Variants in KIAA1958 observed in about 807,000 individuals in gnomAD.
KIAA1958 encodes the protein KIAA1958, also known as uncharacterized protein KIAA1958.
KIAA1958 carries 14 observed loss-of-function variants against 47.2 expected under a neutral mutation model. The observed-to-expected ratio is 0.30, with a 90% CI of 0.20 to 0.46. KIAA1958 has a LOEUF of 0.46. KIAA1958 is among the 20% of genes least tolerant of loss of function. KIAA1958 has a pLI of 1.00. For missense variants in KIAA1958, 803 were observed against 909.2 expected (o/e 0.88, Z 1.50); for synonymous variants, 354 against 353.3 (o/e 1.00, Z -0.02).
intron 1 of KIAA1958, among the ~76,000 whole-genome samples, chr9:112,564,604 A>G (rs932698647): frequency 1.3e-5 from 2 of 152,302 alleles, no homozygotes; most frequent in Admixed American, 1.3e-4. Flanking sequence ...TGAAAGAAAA[A>G]GTATTTTCAT....
At chr9:112,591,822 G>A (rs961813637) in intron 2 of KIAA1958, among the ~76,000 whole-genome samples, 4 of 152,102 alleles carry the variant, frequency 2.6e-5, no homozygotes, top group African/African-American at 7.2e-5. Context: ...ATAAAGTTAC[G>A]GTGCCACAAA....
Position 112,536,075 on chromosome 9 carries a change from A to G in KIAA1958, c.-24-37982A>G, listed in dbSNP as rs146360370. Among the ~76,000 whole-genome samples the G allele has an allele frequency of 2.6e-3, 403 of 152,310 alleles. 7 individuals carry two copies. The highest frequency in any genetic ancestry group is 9.1e-3 in the African/African-American group (378 of 41,564). On this transcript the variant is annotated intron_variant, in intron 1 of 3. Coordinates refer to ENST00000337530, the MANE Select transcript of KIAA1958 (RefSeq NM_133465.4). The stretch of plus-strand genomic sequence containing the variant: ...CTCTGTTAATTGACCTCTGGGTTCA[A>G]TGAGTGGCTAATGTAACTGAAGTCC...
rs138584058 is a variant in KIAA1958 at position 112,556,900 on chromosome 9, G to T, written c.-24-17157G>T. Among the ~76,000 whole-genome samples the T allele has an allele frequency of 6.6e-5, 10 of 152,308 alleles. No homozygotes were observed. The East Asian group carries it at 1.9e-3, about 29-fold the overall frequency. ...AAGTAGAAGGTTGAGCGTACAGGTG[G>T]ACAGAACAGGTGGGTAGACATATTT... is the stretch of plus-strand genomic sequence containing the variant. On this transcript the variant is annotated intron_variant, in intron 1 of 3. Coordinates refer to ENST00000337530, the MANE Select transcript of KIAA1958 (RefSeq NM_133465.4).
At chr9:112,590,599 G>A (rs575552014) in intron 2 of KIAA1958, among the ~76,000 whole-genome samples, 5 of 151,962 alleles carry the variant, frequency 3.3e-5, no homozygotes, top group Admixed American at 6.6e-5. Context: ...TGATCCACCC[G>A]CTTGGGCTCC....
intron 1 of KIAA1958, among the ~76,000 whole-genome samples, chr9:112,539,054 A>G (rs1834898487): frequency 6.6e-6 from 1 of 152,226 alleles, no homozygotes; most frequent in South Asian, 2.1e-4. Context: ...ACAAGTGTTG[A>G]CAAGGATGTA....
intron 1 of KIAA1958, among the ~76,000 whole-genome samples, chr9:112,513,609 C>T (rs897495900): frequency 3.8e-5 from 5 of 132,056 alleles, no homozygotes; most frequent in Non-Finnish European, 8.1e-5. Context: ...CGCGACCGAC[C>T]GCAGCCGCCG....
intron 2 of KIAA1958, among the ~76,000 whole-genome samples, chr9:112,580,856 T>A (rs1161684626): frequency 6.6e-6 from 1 of 152,104 alleles, no homozygotes; most frequent in Non-Finnish European, 1.5e-5. Context: ...AACCTTTTCC[T>A]GTAGTTTCCT....
chr9:112,557,019 C>T (rs796327412), intron 1 of KIAA1958, among the ~76,000 whole-genome samples: 28 of 152,126 alleles, frequency 1.8e-4, no homozygotes, highest in African/African-American at 6.7e-4. Flanking sequence ...GACAGAGTGG[C>T]CCAATCATGG....
chr9:112,549,987 G>A lies in KIAA1958; in HGVS notation c.-24-24070G>A, dbSNP rs77244463. ...AAGGTGTTTTGCCAGCCAAAGAATG[G>A]CAGCATTTGCAAAGATCTACTAGAG... is the stretch of plus-strand genomic sequence containing the variant. On this transcript the variant is annotated intron_variant, in intron 1 of 3. Coordinates refer to ENST00000337530, the MANE Select transcript of KIAA1958 (RefSeq NM_133465.4). Among the ~76,000 whole-genome samples, 572 of 152,330 alleles carry A rather than the reference G, an allele frequency of 3.8e-3. 3 individuals carry two copies. The highest frequency in any genetic ancestry group is 0.013 in the African/African-American group (537 of 41,564).
In KIAA1958 at chr9:112,659,981, A is replaced by C. The variant is rs1433880240; in HGVS notation, c.2063A>C (p.Lys688Thr). 6.2e-7 allele frequency: 1 copy of C among 1,614,114 alleles called. No homozygotes were observed. Among genetic ancestry groups the C allele is most frequent in the African/African-American group, 1.3e-5 (1 of 74,936 alleles). Residue 688 changes from lysine to threonine, a missense_variant, in exon 4 of 4, where the codon AAG becomes ACG. Transcript: ENST00000337530. ...LRGIVPNLAK[K>T]VKLENCENFT... ...GGAATTGTCCCAAACTTAGCCAAGA[A>C]GGTCAAGCTGGAAAACTGTGAGAAC...
chr9:112,580,987 T>C (rs907174457), intron 2 of KIAA1958, among the ~76,000 whole-genome samples: 3 of 152,216 alleles, frequency 2.0e-5, no homozygotes, highest in Non-Finnish European at 2.9e-5. Context: ...AAGATTGATA[T>C]GGCAGGCAGC....
At chr9:112,487,358 A>C (rs1471467194) in intron 1 of KIAA1958, among the ~76,000 whole-genome samples, 1 of 151,164 alleles carries the variant, frequency 6.6e-6, no homozygotes. Flanking sequence ...CGAGGCGCAG[A>C]GACCCCCGGT....
rs566216809 is a variant in KIAA1958, at chr9:112,628,779, T to C, written c.1172-16871T>C. On this transcript the variant is annotated intron_variant, in intron 2 of 3. Coordinates refer to ENST00000337530, the MANE Select transcript of KIAA1958 (RefSeq NM_133465.4). Reference sequence around the variant, plus strand: ...AGTTTTTAAATCAAAAAAATATATATATATTTATTAGGTTTCTAATTTATA... The same window carrying C: ...AGTTTTTAAATCAAAAAAATATATACATATTTATTAGGTTTCTAATTTATA... Among the ~76,000 whole-genome samples the C allele has an allele frequency of 2.0e-5, 3 of 152,214 alleles. No individual in the cohort carries two copies. The South Asian group carries it at 6.2e-4, about 32-fold the overall frequency.
chr9:112,552,114 T>C (rs1835161755), intron 1 of KIAA1958, among the ~76,000 whole-genome samples: 1 of 152,200 alleles, frequency 6.6e-6, no homozygotes, highest in Non-Finnish European at 1.5e-5. Context: ...CTCATCATTA[T>C]AGGGTCATAG....
intron 1 of KIAA1958, among the ~76,000 whole-genome samples, chr9:112,527,319 G>C (rs555338117): frequency 2.0e-5 from 3 of 152,160 alleles, no homozygotes; most frequent in Non-Finnish European, 4.4e-5. Flanking sequence ...TTTTAGTTGA[G>C]ATCCATGGAA....
At chr9:112,582,860 G>A (rs144619342) in intron 2 of KIAA1958, among the ~76,000 whole-genome samples, 3 of 152,296 alleles carry the variant, frequency 2.0e-5, no homozygotes, top group Non-Finnish European at 4.4e-5. Flanking sequence ...ACATGGACAT[G>A]GCTGTCACTG....
rs906138293 is a variant in KIAA1958 at position 112,666,544 on chromosome 9, C to T, written c.*6475C>T. 3 of 152,134 alleles carry T rather than the reference C, an allele frequency of 2.0e-5. No homozygotes were observed. The highest frequency in any genetic ancestry group is 4.4e-5 in the Non-Finnish European group (3 of 68,030). 9.4% of individuals were successfully genotyped at this position (152,134 alleles called of 1,614,324 possible). A position where few individuals can be genotyped will look rare whatever the true frequency, so the allele number is the denominator to read the frequency against. ...CTGCATCTGGCAAAATGACATCCGG[C>T]TCACAGAAGACCCTAGTGAGCTTCT... On this transcript the variant is annotated 3_prime_UTR_variant, in exon 4 of 4. Coordinates refer to ENST00000337530, the MANE Select transcript of KIAA1958 (RefSeq NM_133465.4).
At chr9:112,554,947 GA>G (rs1272403944) in intron 1 of KIAA1958, among the ~76,000 whole-genome samples, 1 of 152,192 alleles carries the variant, frequency 6.6e-6, no homozygotes, top group East Asian at 1.9e-4. Context: ...TAAAATCTGT[GA>G]GGACTCTGGA....
intron 1 of KIAA1958, among the ~76,000 whole-genome samples, chr9:112,513,480 C>CAGTGGCTTAGGGAGCCCGTCCGGCCAT (rs1564154646): frequency 2.6e-4 from 15 of 57,972 alleles, no homozygotes; most frequent in African/African-American, 1.1e-3. Context: ...GGGCTGGGGT[C>CAGTGGCTTAGGGAGCCCGTCCGGCCAT]GGTGGCCGCG....
Sources: allele counts gnomAD v4.1 joint callset (sites outside exome capture counted in the v4.1 genomes callset), GRCh38; gene constraint gnomAD v4.1.1; transcripts MANE v1.5; gene names NCBI Gene and HGNC (gene_info 2026-07-23, HGNC 2026-07-21).